The following CAMSAP2 variants were observed in gnomAD, a reference collection of about 807,000 sequenced individuals.
The protein encoded by CAMSAP2 is calmodulin regulated spectrin associated protein family member 2.
A neutral mutation model predicts 146.1 loss-of-function variants in CAMSAP2; 26 were observed. The observed-to-expected ratio is 0.18, with a 90% CI of 0.13 to 0.25. The LOEUF is 0.25. Among genes scored for constraint, CAMSAP2 ranks in the 10% least tolerant of loss-of-function variants. The pLI, the probability that CAMSAP2 is intolerant of heterozygous loss-of-function variation, is 1.00. For synonymous variants in CAMSAP2, 499 were observed against 596.6 expected, an observed-to-expected ratio of 0.84 and a Z score of 2.38; for missense variants, 1,381 against 1,759.3, an observed-to-expected ratio of 0.78 and a Z score of 3.85.
At chr1:200,839,930 T>A (rs1376973437) in intron 6 of CAMSAP2, among the ~76,000 whole-genome samples, 6 of 152,260 alleles carry the variant, frequency 3.9e-5, no homozygotes, top group African/African-American at 1.4e-4. Context: ...CTTTACGGAT[T>A]ATAAGCATTC....
In CAMSAP2 at chr1:200,842,053, T is replaced by C; in HGVS notation, c.987T>C (p.Ser329=). 1 of 1,613,950 alleles carries C rather than the reference T, an allele frequency of 6.2e-7. No homozygotes were observed. The stretch of plus-strand genomic sequence containing the variant: ...GGTGGTTTGAAGTGGTGAAGCCGTC[T>C]TTTGTACAGCCTCGTGTTGTTCGTC... The part of the protein sequence containing the change: ...LFWWFEVVKP[S]FVQPRVVRPQ... Residue 329 remains serine, a synonymous_variant, in exon 7 of 17, where the codon TCT becomes TCC. Transcript: ENST00000358823.
chr1:200,836,891 G>A (rs1667199336), intron 6 of CAMSAP2, among the ~76,000 whole-genome samples: 1 of 151,956 alleles, frequency 6.6e-6, no homozygotes, highest in South Asian at 2.1e-4. Flanking sequence ...GTATGTCTAT[G>A]TCTTTTGAAA....
At chr1:200,788,515 C>G (rs1272915443) in intron 2 of CAMSAP2, among the ~76,000 whole-genome samples, 1 of 152,114 alleles carries the variant, frequency 6.6e-6, no homozygotes, top group Admixed American at 6.5e-5. Context: ...AATGAAAGTT[C>G]CTGTTGTTCC....
chr1:200,802,768 A>C (rs933282847), intron 2 of CAMSAP2, among the ~76,000 whole-genome samples: 1 of 152,194 alleles, frequency 6.6e-6, no homozygotes, highest in Non-Finnish European at 1.5e-5. Flanking sequence ...GAGGCTAAAA[A>C]TTTCTTATAA....
intron 1 of CAMSAP2, among the ~76,000 whole-genome samples, chr1:200,758,825 T>G (rs1353694478): frequency 6.6e-6 from 1 of 152,186 alleles, no homozygotes; most frequent in Non-Finnish European, 1.5e-5. Context: ...TTTCTTTGCT[T>G]TATTCCTGGG....
At chr1:200,765,453 G>A (rs879483441) in intron 2 of CAMSAP2, among the ~76,000 whole-genome samples, 5 of 151,860 alleles carry the variant, frequency 3.3e-5, no homozygotes, top group Non-Finnish European at 7.4e-5. Flanking sequence ...CTGGTCTCGA[G>A]CTCCTGACCT....
intron 14 of CAMSAP2, 22 bp downstream of exon 14, chr1:200,854,911 AT>A: frequency 1.3e-6 from 2 of 1,555,116 alleles, no homozygotes; most frequent in Non-Finnish European, 1.8e-6. Flanking sequence ...ACGTATGAAT[AT>A]TTTTACAGAA....
At chr1:200,790,739 A>G (rs1399377807) in intron 2 of CAMSAP2, among the ~76,000 whole-genome samples, 1 of 152,244 alleles carries the variant, frequency 6.6e-6, no homozygotes, top group Non-Finnish European at 1.5e-5. Context: ...AGGTTTTTAC[A>G]TGCAGACCAG....
At chr1:200,839,938 T>C (rs955827520) in intron 6 of CAMSAP2, among the ~76,000 whole-genome samples, 18 of 152,214 alleles carry the variant, frequency 1.2e-4, no homozygotes, top group Middle Eastern at 3.2e-3. Context: ...ATTATAAGCA[T>C]TCTTATTACT....
intron 6 of CAMSAP2, among the ~76,000 whole-genome samples, chr1:200,841,463 G>T (rs1216544112): frequency 5.3e-5 from 8 of 152,182 alleles, no homozygotes; most frequent in African/African-American, 1.9e-4. Context: ...GGCCAGGCTG[G>T]TCTCAAACTC....
At chr1:200,806,427 T>G (rs1466145813) in intron 2 of CAMSAP2, among the ~76,000 whole-genome samples, 3 of 152,186 alleles carry the variant, frequency 2.0e-5, no homozygotes, top group African/African-American at 4.8e-5. Context: ...TCTAATGTTG[T>G]CAAAAATGTG....
intron 3 of CAMSAP2, among the ~76,000 whole-genome samples, chr1:200,807,823 C>G (rs1049778134): frequency 3.3e-5 from 5 of 151,208 alleles, no homozygotes; most frequent in Admixed American, 1.3e-4. Context: ...TCACTGCAAC[C>G]TCCGCCCTTC....
chr1:200,744,732 G>A (rs985851614), intron 1 of CAMSAP2, among the ~76,000 whole-genome samples: 10 of 152,140 alleles, frequency 6.6e-5, no homozygotes, highest in Admixed American at 3.3e-4. Flanking sequence ...AGTGGAGGTG[G>A]TATTTAAGCT....
At chr1:200,785,864 T>C (rs1049054503) in intron 2 of CAMSAP2, among the ~76,000 whole-genome samples, 4 of 151,918 alleles carry the variant, frequency 2.6e-5, no homozygotes, top group African/African-American at 9.7e-5. Flanking sequence ...ATTTTTTGTA[T>C]TTTTAGTAGA....
chr1:200,807,885 C>T (rs754775536), intron 3 of CAMSAP2, among the ~76,000 whole-genome samples: 3 of 151,774 alleles, frequency 2.0e-5, no homozygotes, highest in Non-Finnish European at 4.4e-5. Flanking sequence ...GGATTACAGG[C>T]GTTTGCCACC....
intron 2 of CAMSAP2, among the ~76,000 whole-genome samples, chr1:200,765,065 T>C (rs971553068): frequency 3.3e-5 from 5 of 151,952 alleles, no homozygotes; most frequent in South Asian, 2.1e-4. Flanking sequence ...GATTGCACCA[T>C]TGCACTCTGG....
At chr1:200,770,374 C>A (rs768328858) in intron 2 of CAMSAP2, among the ~76,000 whole-genome samples, 12 of 151,928 alleles carry the variant, frequency 7.9e-5, no homozygotes, top group Non-Finnish European at 1.8e-4. Context: ...ATTCTGTTTA[C>A]ACCATGAGGC....
At chr1:200,840,913 C>T (rs892812734) in intron 6 of CAMSAP2, among the ~76,000 whole-genome samples, 3 of 151,968 alleles carry the variant, frequency 2.0e-5, no homozygotes, top group Admixed American at 6.6e-5. Flanking sequence ...AAAAATTTAC[C>T]GAATGCCTAA....
intron 4 of CAMSAP2, among the ~76,000 whole-genome samples, chr1:200,816,615 T>C (rs1442669841): frequency 7.7e-6 from 1 of 129,672 alleles, no homozygotes; most frequent in African/African-American, 2.7e-5. Flanking sequence ...AATATATATA[T>C]ATATATATAT....
Sources: gnomAD v4.1 joint callset for allele counts (sites outside exome capture counted in the v4.1 genomes callset) on GRCh38, gnomAD v4.1.1 for gene constraint, MANE v1.5 for transcripts, NCBI Gene and HGNC (gene_info 2026-07-23, HGNC 2026-07-21) for gene names.